WDR37: variants seen among roughly 807,000 people sequenced by gnomAD.
WDR37 encodes the protein WD repeat-containing protein 37.
A neutral mutation model predicts 62.9 loss-of-function variants in WDR37; 19 were observed. That is an observed-to-expected ratio of 0.30 (90% CI 0.21 to 0.44). WDR37 has a LOEUF of 0.44. Ranked by LOEUF, WDR37 falls within the 20% of genes least tolerant of loss-of-function variation. The pLI, the probability that WDR37 is intolerant of heterozygous loss-of-function variation, is 1.00. For synonymous variants in WDR37, 250 were observed against 260.9 expected (o/e 0.96, Z 0.40); for missense variants, 474 against 657.6 (o/e 0.72, Z 3.05).
intron 3 of WDR37, 40 bp downstream of exon 3, chr10:1,078,043 C>A: frequency 6.8e-7 from 1 of 1,465,620 alleles, no homozygotes; most frequent in Non-Finnish European, 9.4e-7. Flanking sequence ...ATAGCTTTAC[C>A]TATCCATAGT....
At chr10:1,106,185 G>C (rs1835010762) in intron 11 of WDR37, among the ~76,000 whole-genome samples, 1 of 152,096 alleles carries the variant, frequency 6.6e-6, no homozygotes, top group Non-Finnish European at 1.5e-5. Flanking sequence ...CCCAGTCACG[G>C]GGGCTGTCTA....
chr10:1,126,434 T>C (rs1835781426), intron 13 of WDR37, among the ~76,000 whole-genome samples: 1 of 151,010 alleles, frequency 6.6e-6, no homozygotes, highest in African/African-American at 2.4e-5. Context: ...CTCCCCGTGG[T>C]CGAGGCAGCG....
rs764881274 is a variant in WDR37 at position 1,093,464 on chromosome 10, A to G, written c.617A>G (p.Lys206Arg). ...AGHVGSVNSIKFHPSEQLALT... is the reference protein window; with the variant it reads ...AGHVGSVNSIRFHPSEQLALT... ...TTTTATTTTGCAGTAAATTCTATCA[A>G]ATTTCATCCCTCAGAGCAGTTGGCT... The change falls in exon 8 of 14, where the codon AAA becomes AGA. Residue 206 changes from lysine (K) to arginine (R), a missense_variant. By Grantham distance (26) the Lys-to-Arg change is conservative (BLOSUM62 2). Coordinates refer to ENST00000263150, the MANE Select transcript of WDR37 (RefSeq NM_014023.4). The G allele has an allele frequency of 2.5e-6, 4 of 1,608,250 alleles. No individual in the cohort carries two copies. The African/African-American group carries it at 5.4e-5, about 22-fold the overall frequency.
intron 7 of WDR37, 102 bp from the exon 8 acceptor site, chr10:1,093,350 G>T: frequency 1.1e-6 from 1 of 899,802 alleles, no homozygotes. Flanking sequence ...TGAACTCATA[G>T]TTCTTTTAAT....
intron 1 of WDR37, among the ~76,000 whole-genome samples, chr10:1,071,565 C>G (rs1833728371): frequency 6.6e-6 from 1 of 152,088 alleles, no homozygotes; most frequent in Non-Finnish European, 1.5e-5. Flanking sequence ...TTGAGATATG[C>G]TGTAAATATA....
intron 8 of WDR37, among the ~76,000 whole-genome samples, chr10:1,095,469 G>A (rs1233072367): frequency 6.6e-6 from 1 of 152,148 alleles, no homozygotes. Flanking sequence ...ATTTGAGGAG[G>A]AGTTGCAAGT....
chr10:1,120,709 A>T (rs1835550196), intron 11 of WDR37, among the ~76,000 whole-genome samples: 1 of 152,236 alleles, frequency 6.6e-6, no homozygotes, highest in African/African-American at 2.4e-5. Flanking sequence ...CGTTTTAAAA[A>T]TAGGAAAGGA....
chr10:1,097,143 A>T (rs999135071), intron 9 of WDR37, among the ~76,000 whole-genome samples: 4 of 152,168 alleles, frequency 2.6e-5, no homozygotes, highest in African/African-American at 9.7e-5. Flanking sequence ...ACTCCGAAAG[A>T]GTTGTTAAGG....
chr10:1,081,741 T>G (rs1419497835), intron 5 of WDR37, among the ~76,000 whole-genome samples: 1 of 152,234 alleles, frequency 6.6e-6, no homozygotes, highest in Non-Finnish European at 1.5e-5. Flanking sequence ...TAATGAAGTG[T>G]GAAATTATGT....
intron 1 of WDR37, among the ~76,000 whole-genome samples, chr10:1,071,170 T>C (rs1440178363): frequency 6.6e-6 from 1 of 152,186 alleles, no homozygotes; most frequent in Non-Finnish European, 1.5e-5. Context: ...CTTGGGCCAG[T>C]CTTTTCTCTA....
chr10:1,122,135 C>T (rs1479159533), intron 11 of WDR37, among the ~76,000 whole-genome samples: 1 of 152,040 alleles, frequency 6.6e-6, no homozygotes, highest in African/African-American at 2.4e-5. Context: ...GTGGCTGGGA[C>T]AACTGGCATT....
At chr10:1,109,594 C>T (rs1703743867) in intron 11 of WDR37, among the ~76,000 whole-genome samples, 1 of 152,126 alleles carries the variant, frequency 6.6e-6, no homozygotes, top group African/African-American at 2.4e-5. Context: ...GCCTGTAATC[C>T]CAGCTACTTG....
chr10:1,115,827 A>C (rs1871627), intron 11 of WDR37, among the ~76,000 whole-genome samples: 2 of 152,174 alleles, frequency 1.3e-5, no homozygotes, highest in African/African-American at 4.8e-5. Flanking sequence ...GTGACTTTGC[A>C]GACAGCAGGG....
intron 13 of WDR37, 29 bp downstream of exon 13, chr10:1,125,053 G>GTCGGTAACAGCAC: frequency 6.2e-7 from 1 of 1,611,552 alleles, no homozygotes; most frequent in Non-Finnish European, 8.5e-7. Flanking sequence ...AACATATGCA[G>GTCGGTAACAGCAC]GGCACAGTGG....
At chr10:1,101,465 T>G (rs1564507150) in intron 9 of WDR37, among the ~76,000 whole-genome samples, 3 of 152,302 alleles carry the variant, frequency 2.0e-5, no homozygotes, top group African/African-American at 7.2e-5. Flanking sequence ...CATTTTACCT[T>G]AATTATCTCT....
chr10:1,074,899 A>G (rs1171191482), intron 2 of WDR37, among the ~76,000 whole-genome samples: 1 of 152,264 alleles, frequency 6.6e-6, no homozygotes, highest in Non-Finnish European at 1.5e-5. Context: ...TGCGACGTCC[A>G]CGTGCACACA....
intron 7 of WDR37, among the ~76,000 whole-genome samples, chr10:1,089,272 T>C (rs1349630267): frequency 6.6e-6 from 1 of 151,966 alleles, no homozygotes; most frequent in African/African-American, 2.4e-5. Flanking sequence ...CCAGCCTCAG[T>C]TCCTGTCACG....
At chr10:1,125,119 C>T in intron 13 of WDR37, 95 bp downstream of exon 13, 2 of 1,492,944 alleles carry the variant, frequency 1.3e-6, no homozygotes, top group Non-Finnish European at 1.8e-6. Flanking sequence ...TCTTTGCATG[C>T]TAAGTTTTCC....
chr10:1,069,849 T>G (rs886965646), intron 1 of WDR37, among the ~76,000 whole-genome samples: 3 of 152,202 alleles, frequency 2.0e-5, no homozygotes, highest in Non-Finnish European at 4.4e-5. Context: ...TGATGTAAGA[T>G]GTAACCACTG....
Sources: allele counts gnomAD v4.1 joint callset (sites outside exome capture counted in the v4.1 genomes callset), GRCh38; gene constraint gnomAD v4.1.1; transcripts MANE v1.5; gene names NCBI Gene and HGNC (gene_info 2026-07-23, HGNC 2026-07-21).